RSRC1: variants seen among roughly 807,000 people sequenced by gnomAD.
RSRC1 encodes arginine and serine rich coiled-coil 1, also known as serine/Arginine-related protein 53.
A neutral mutation model predicts 49.1 loss-of-function variants in RSRC1; 39 were observed. The observed-to-expected ratio is 0.79, with a 90% CI of 0.61 to 1.04. The LOEUF is 1.04. Among genes scored for constraint, RSRC1 ranks in the 50% least tolerant of loss-of-function variants. The pLI is 0.00. For synonymous variants in RSRC1, 143 were observed against 130.8 expected (o/e 1.09, Z -0.63); for missense variants, 388 against 402.4 (o/e 0.96, Z 0.31).
rs536384719 is a variant in RSRC1 at position 158,357,156 on chromosome 3, T to A, written c.583+2248T>A. Reference sequence around the variant, plus strand: ...ATTTATGTTGTTCAACTTTTCCCTCTTACCAATAACACTGTAATGAACACC... The same window carrying A: ...ATTTATGTTGTTCAACTTTTCCCTCATACCAATAACACTGTAATGAACACC... On this transcript the variant is annotated intron_variant, in intron 6 of 9. Coordinates refer to ENST00000611884, the MANE Select transcript of RSRC1 (RefSeq NM_001271838.2). Among the ~76,000 whole-genome samples the A allele has an allele frequency of 2.2e-4, 34 of 152,348 alleles. 2 individuals carry two copies. In the South Asian group the frequency reaches 6.2e-3, roughly 28 times the overall value.
chr3:158,311,476 A>AT (rs1409703405), intron 5 of RSRC1, among the ~76,000 whole-genome samples: 2 of 151,780 alleles, frequency 1.3e-5, no homozygotes, highest in Admixed American at 6.6e-5. Flanking sequence ...CATCTATTTC[A>AT]TTTTTTCCTT....
chr3:158,513,428 G>C lies in RSRC1; in HGVS notation c.653-23664G>C, dbSNP rs565671970. Among the ~76,000 whole-genome samples the C allele has an allele frequency of 2.0e-5, 3 of 152,240 alleles. No individual in the cohort carries two copies. The East Asian group carries it at 5.8e-4, about 29-fold the overall frequency. ...TATGCTGGATTATATTTATTGATTT[G>C]TATATATTGAACCAGCCTTGCATTC... On this transcript the variant is annotated intron_variant, in intron 7 of 9. Coordinates refer to ENST00000611884, the MANE Select transcript of RSRC1 (RefSeq NM_001271838.2).
chr3:158,243,405 G>A (rs978389703), intron 4 of RSRC1, among the ~76,000 whole-genome samples: 2 of 152,068 alleles, frequency 1.3e-5, no homozygotes, highest in Non-Finnish European at 2.9e-5. Flanking sequence ...ATTGGTCTGT[G>A]TGTCTGTTTT....
chr3:158,284,860 G>T (rs990714125), intron 4 of RSRC1, among the ~76,000 whole-genome samples: 2 of 150,124 alleles, frequency 1.3e-5, no homozygotes, highest in Non-Finnish European at 1.5e-5. Context: ...TCACTCTGAT[G>T]GTAGTTTCTT....
intron 3 of RSRC1, among the ~76,000 whole-genome samples, chr3:158,162,154 T>TAG (rs770431447): frequency 1.3e-5 from 2 of 152,286 alleles, no homozygotes; most frequent in Non-Finnish European, 2.9e-5. Context: ...ATACAACTGA[T>TAG]AAACAGCTTT....
intron 7 of RSRC1, among the ~76,000 whole-genome samples, chr3:158,524,226 T>C (rs1371686734): frequency 6.6e-6 from 1 of 152,118 alleles, no homozygotes; most frequent in Non-Finnish European, 1.5e-5. Flanking sequence ...GCTAAACCAA[T>C]TGAATTGTGG....
rs188995616 is a variant in RSRC1, at chr3:158,444,266, C to G, written c.584-16669C>G. Among the ~76,000 whole-genome samples the G allele has an allele frequency of 1.4e-4, 21 of 152,094 alleles. No individual in the cohort carries two copies. In the South Asian group the frequency reaches 2.9e-3, roughly 21 times the overall value. The stretch of plus-strand genomic sequence containing the variant: ...TACCTGACTTCAAACTATACTACAA[C>G]GCTACAGTAACCAAAACAGCAAGGT... On this transcript the variant is annotated intron_variant, in intron 6 of 9. Transcript: ENST00000611884.
At chr3:158,422,238 A>C (rs1300938226) in intron 6 of RSRC1, among the ~76,000 whole-genome samples, 3 of 91,924 alleles carry the variant, frequency 3.3e-5, no homozygotes, top group Non-Finnish European at 4.0e-5. Context: ...CCCCCACCCC[A>C]CAACAGTCAC....
At chr3:158,128,725 C>T (rs936713532) in intron 3 of RSRC1, among the ~76,000 whole-genome samples, 2 of 152,122 alleles carry the variant, frequency 1.3e-5, no homozygotes, top group African/African-American at 2.4e-5. Context: ...ATCCAGGATT[C>T]TATATTGCAT....
intron 6 of RSRC1, among the ~76,000 whole-genome samples, chr3:158,428,543 A>G (rs746939402): frequency 2.6e-5 from 4 of 151,860 alleles, no homozygotes; most frequent in Non-Finnish European, 5.9e-5. Context: ...ATAGAGAACC[A>G]TATTAAATCA....
chr3:158,250,324 T>C (rs1724137416), intron 4 of RSRC1, among the ~76,000 whole-genome samples: 1 of 152,228 alleles, frequency 6.6e-6, no homozygotes, highest in African/African-American at 2.4e-5. Flanking sequence ...CTTTTGGTTA[T>C]ATACCTAGCA....
intron 7 of RSRC1, among the ~76,000 whole-genome samples, chr3:158,521,198 G>A (rs1272510743): frequency 2.6e-5 from 4 of 152,136 alleles, no homozygotes; most frequent in African/African-American, 4.8e-5. Context: ...TTAATAGATT[G>A]CTTAGAAATT....
Position 158,110,140 on chromosome 3 carries a change from C to G in RSRC1, c.-86C>G, listed in dbSNP as rs1047591138. Reference sequence around the variant, plus strand: ...CTGAAGCAAGTTCGGTGGACGCCGGCGGCGCCCTGATCTAAAGAAACGACT... The same window carrying G: ...CTGAAGCAAGTTCGGTGGACGCCGGGGGCGCCCTGATCTAAAGAAACGACT... On this transcript the variant is annotated 5_prime_UTR_variant, in exon 1 of 10. Transcript: ENST00000611884. The G allele has an allele frequency of 4.6e-5, 7 of 152,102 alleles. No individual in the cohort carries two copies. The highest frequency in any genetic ancestry group is 1.7e-4 in the African/African-American group (7 of 41,416). 9.4% of individuals were successfully genotyped at this position (152,102 alleles called of 1,614,324 possible).
intron 1 of RSRC1, among the ~76,000 whole-genome samples, chr3:158,113,438 G>A (rs371544787): frequency 2.0e-5 from 3 of 148,988 alleles, no homozygotes; most frequent in African/African-American, 7.5e-5. Context: ...GTGCGATCTC[G>A]GCTTACTGCA....
chr3:158,438,194 T>C (rs1204776461), intron 6 of RSRC1, among the ~76,000 whole-genome samples: 1 of 152,038 alleles, frequency 6.6e-6, no homozygotes, highest in East Asian at 1.9e-4. Flanking sequence ...GAAGAATATT[T>C]CATGCTCATG....
intron 6 of RSRC1, among the ~76,000 whole-genome samples, chr3:158,363,032 A>T (rs900808054): frequency 6.6e-6 from 1 of 152,218 alleles, no homozygotes; most frequent in South Asian, 2.1e-4. Context: ...AAATCTCTGC[A>T]TAACAGTATT....
chr3:158,418,354 C>T (rs1216108577), intron 6 of RSRC1, among the ~76,000 whole-genome samples: 4 of 151,964 alleles, frequency 2.6e-5, no homozygotes, highest in Admixed American at 6.6e-5. Flanking sequence ...AAAACCTGTT[C>T]TATCTGGAGA....
At chr3:158,361,776 T>C (rs2108251973) in intron 6 of RSRC1, among the ~76,000 whole-genome samples, 1 of 152,280 alleles carries the variant, frequency 6.6e-6, no homozygotes, top group African/African-American at 2.4e-5. Flanking sequence ...CCTGGGAAGC[T>C]TTGCACATTG....
intron 6 of RSRC1, among the ~76,000 whole-genome samples, chr3:158,417,985 G>A (rs541923014): frequency 5.9e-5 from 9 of 151,982 alleles, no homozygotes; most frequent in African/African-American, 1.7e-4. Context: ...AAAGTTGATT[G>A]TCAAAGAGAA....
Sources: allele counts gnomAD v4.1 joint callset (sites outside exome capture counted in the v4.1 genomes callset), GRCh38; gene constraint gnomAD v4.1.1; transcripts MANE v1.5; gene names NCBI Gene and HGNC (gene_info 2026-07-23, HGNC 2026-07-21).